RFTN1: variants seen among roughly 807,000 people sequenced by gnomAD.
RFTN1 encodes the protein raftlin, lipid raft linker 1, also known as raftlin.
Under a neutral mutation model 46.5 loss-of-function variants are expected in RFTN1, and 26 were observed. The observed-to-expected ratio is 0.56, with a 90% confidence interval of 0.41 to 0.78. The LOEUF is 0.78. Among genes scored for constraint, RFTN1 ranks in the 30% least tolerant of loss-of-function variants. The pLI is 0.00. For missense variants in RFTN1, 693 were observed against 718.7 expected (o/e 0.96, Z 0.41); for synonymous variants, 261 against 284.2 (o/e 0.92, Z 0.82).
chr3:16,438,693 T>C (rs1037116496), intron 2 of RFTN1, among the ~76,000 whole-genome samples: 3 of 149,624 alleles, frequency 2.0e-5, no homozygotes, highest in South Asian at 2.1e-4. Flanking sequence ...AATTTCTTTG[T>C]ATAAAATGGT....
Position 16,401,000 on chromosome 3 carries a change from T to C in RFTN1, c.441+8375A>G, listed in dbSNP as rs1176608142. 6.6e-6 allele frequency among the ~76,000 whole-genome samples: 1 copy of C among 151,930 alleles called. No homozygotes were observed. The highest frequency in any genetic ancestry group is 1.5e-5 in the Non-Finnish European group (1 of 67,966). Reference sequence around the variant, plus strand: ...TCTTTTATCACCTCTTCTCTCCCAATACCTTTCAGCTGAAAAAAATGTTCA... The same window carrying C: ...TCTTTTATCACCTCTTCTCTCCCAACACCTTTCAGCTGAAAAAAATGTTCA... On this transcript the variant is annotated intron_variant, in intron 4 of 9. Coordinates refer to ENST00000334133, the MANE Select transcript of RFTN1 (RefSeq NM_015150.2). This position sits in a 1 kb window ranked among gnomAD's most constrained non-coding sequence, Gnocchi z 4.5.
rs991678509 is a variant in RFTN1 at position 16,424,341 on chromosome 3, T to C, written c.332+9510A>G. ...ATTTTCCTAGACATAAAATGAGAAG[T>C]GGGGAATGAGGGAAGGTCATGGTAT... On this transcript the variant is annotated intron_variant, in intron 3 of 9. Coordinates refer to ENST00000334133, the MANE Select transcript of RFTN1 (RefSeq NM_015150.2). The surrounding 1 kb of genome is among the most constrained non-coding windows in gnomAD (Gnocchi z 4.7). Among the ~76,000 whole-genome samples, 4 of 152,090 alleles carry C rather than the reference T, an allele frequency of 2.6e-5. No homozygotes were observed.
Position 16,321,428 on chromosome 3 carries a change from C to G in RFTN1, c.1332+1948G>C, listed in dbSNP as rs2069040774. On this transcript the variant is annotated intron_variant, in intron 9 of 9. Coordinates refer to ENST00000334133, the MANE Select transcript of RFTN1 (RefSeq NM_015150.2). This position sits in a 1 kb window ranked among gnomAD's most constrained non-coding sequence, Gnocchi z 4.8. ...CAGGGAGTGGGGGTGGTCCCAACAT[C>G]CGGGCTGCAAGAGCTCAGGCATGAT... 6.6e-6 allele frequency among the ~76,000 whole-genome samples: 1 copy of G among 152,128 alleles called. No individual in the cohort carries two copies. The highest frequency in any genetic ancestry group is 1.5e-5 in the Non-Finnish European group (1 of 68,012).
At chr3:16,453,536 G>A (rs529728139) in intron 2 of RFTN1, among the ~76,000 whole-genome samples, 9 of 152,316 alleles carry the variant, frequency 5.9e-5, no homozygotes, top group African/African-American at 2.2e-4. Flanking sequence ...TCCATCAATA[G>A]TCAGCTTCTT....
chr3:16,366,978 GTCTT>G (rs1212571364), intron 6 of RFTN1, among the ~76,000 whole-genome samples: 2 of 152,246 alleles, frequency 1.3e-5, no homozygotes, highest in African/African-American at 4.8e-5. Context: ...GACTGTACAA[GTCTT>G]TCTATGTCCC....
In RFTN1 at chr3:16,383,628, T is replaced by A. The variant is rs1400071794; in HGVS notation, c.442-5526A>T. On this transcript the variant is annotated intron_variant, in intron 4 of 9. Coordinates refer to ENST00000334133, the MANE Select transcript of RFTN1 (RefSeq NM_015150.2). This position sits in a 1 kb window ranked among gnomAD's most constrained non-coding sequence, Gnocchi z 4.0. ...TCCAAAATGAATACCATGTTGCTAA[T>A]GATAAGTGCGATATATACTCTATGT... Among the ~76,000 whole-genome samples the A allele has an allele frequency of 1.3e-5, 2 of 152,238 alleles. No homozygotes were observed. The highest frequency in any genetic ancestry group is 2.9e-5 in the Non-Finnish European group (2 of 68,044).
chr3:16,409,525 T>C, intron 3 of RFTN1, 42 bp from the exon 4 acceptor site: 1 of 1,368,468 alleles, frequency 7.3e-7, no homozygotes, highest in South Asian at 1.2e-5. Flanking sequence ...GATTAATATC[T>C]TGCATAATTT....
chr3:16,333,028 G>A (rs1236289122), intron 7 of RFTN1, among the ~76,000 whole-genome samples: 3 of 152,218 alleles, frequency 2.0e-5, no homozygotes, highest in Admixed American at 6.5e-5. Context: ...TTAATAGATA[G>A]TGTTGATTCA....
At chr3:16,491,243 C>T (rs2076534292) in intron 2 of RFTN1, among the ~76,000 whole-genome samples, 1 of 152,044 alleles carries the variant, frequency 6.6e-6, no homozygotes, top group African/African-American at 2.4e-5. Flanking sequence ...GGGAGGACTT[C>T]CAGGCAGAGG....
intron 2 of RFTN1, among the ~76,000 whole-genome samples, chr3:16,492,694 A>G (rs1442203413): frequency 6.6e-6 from 1 of 152,220 alleles, no homozygotes; most frequent in South Asian, 2.1e-4. Context: ...AAAGAATAGC[A>G]TGTTCTTCCT....
Position 16,507,947 on chromosome 3 carries a change from G to A in RFTN1, c.-9+5495C>T, listed in dbSNP as rs1239850602. Among the ~76,000 whole-genome samples the A allele has an allele frequency of 2.6e-5, 4 of 152,142 alleles. No homozygotes were observed. The highest frequency in any genetic ancestry group is 6.5e-5 in the Admixed American group (1 of 15,270). ...AGGTCTGCCTATGGAACAACACGAC[G>A]GGACATTTCAGGTGTAAACGCCAGA... is the stretch of plus-strand genomic sequence containing the variant. On this transcript the variant is annotated intron_variant, in intron 1 of 9. Coordinates refer to ENST00000334133, the MANE Select transcript of RFTN1 (RefSeq NM_015150.2). This position sits in a 1 kb window ranked among gnomAD's most constrained non-coding sequence, Gnocchi z 7.1.
chr3:16,510,989 T>C (rs2076891675), intron 1 of RFTN1, among the ~76,000 whole-genome samples: 1 of 152,230 alleles, frequency 6.6e-6, no homozygotes, highest in African/African-American at 2.4e-5. Flanking sequence ...AAATCATGGA[T>C]ACGACATGGA....
At chr3:16,508,742 CAA>C (rs2125015224) in intron 1 of RFTN1, among the ~76,000 whole-genome samples, 1 of 151,928 alleles carries the variant, frequency 6.6e-6, no homozygotes, top group East Asian at 1.9e-4. Flanking sequence ...AAGGTAAACA[CAA>C]AAGCAACATC....
At chr3:16,437,863 T>C (rs1353149957) in intron 2 of RFTN1, among the ~76,000 whole-genome samples, 3 of 130,098 alleles carry the variant, frequency 2.3e-5, no homozygotes, top group Non-Finnish European at 5.1e-5. Context: ...GTCGACCTTA[T>C]GGAAACCAGG....
At chr3:16,463,061 C>T (rs1363273504) in intron 2 of RFTN1, among the ~76,000 whole-genome samples, 1 of 152,218 alleles carries the variant, frequency 6.6e-6, no homozygotes, top group Non-Finnish European at 1.5e-5. Context: ...CCACTAGAGA[C>T]AGAAATCTAC....
rs1304824164 is a variant in RFTN1 at position 16,425,715 on chromosome 3, G to A, written c.332+8136C>T. ...AAGGTGGCTTTACGCTGGCATATGA[G>A]ATTGAAAAGTGCAAACAAATAATTA... On this transcript the variant is annotated intron_variant, in intron 3 of 9. Transcript: ENST00000334133. The surrounding 1 kb of genome is among the most constrained non-coding windows in gnomAD (Gnocchi z 4.3). Among the ~76,000 whole-genome samples the A allele has an allele frequency of 6.6e-6, 1 of 152,122 alleles. No individual in the cohort carries two copies. Among genetic ancestry groups the A allele is most frequent in the Non-Finnish European group, 1.5e-5 (1 of 68,048 alleles).
In RFTN1 at chr3:16,322,754, C is replaced by G. The variant is rs879308561; in HGVS notation, c.1332+622G>C. Among the ~76,000 whole-genome samples the G allele has an allele frequency of 1.3e-5, 2 of 152,172 alleles. No individual in the cohort carries two copies. The highest frequency in any genetic ancestry group is 2.9e-5 in the Non-Finnish European group (2 of 68,034). On this transcript the variant is annotated intron_variant, in intron 9 of 9. Coordinates refer to ENST00000334133, the MANE Select transcript of RFTN1 (RefSeq NM_015150.2). This position sits in a 1 kb window ranked among gnomAD's most constrained non-coding sequence, Gnocchi z 6.2. ...GAAGACTCTCTGAGAAGGCCAGTCTCTGTGCGACTGTTTCTAGGGTAGTTC... is the reference window on the plus strand; with the variant it reads ...GAAGACTCTCTGAGAAGGCCAGTCTGTGTGCGACTGTTTCTAGGGTAGTTC...
rs763292457 is a variant in RFTN1 at position 16,374,024 on chromosome 3, G to T, written c.826+3694C>A. Among the ~76,000 whole-genome samples, 5 of 152,210 alleles carry T rather than the reference G, an allele frequency of 3.3e-5. No individual in the cohort carries two copies. The highest frequency in any genetic ancestry group is 7.4e-5 in the Non-Finnish European group (5 of 68,026). ...AGGGCAGCAGGAAAGGCAAAGTGCA[G>T]GGACCGCTGCTGCGTGCACAACAAT... On this transcript the variant is annotated intron_variant, in intron 5 of 9. Coordinates refer to ENST00000334133, the MANE Select transcript of RFTN1 (RefSeq NM_015150.2). This position sits in a 1 kb window ranked among gnomAD's most constrained non-coding sequence, Gnocchi z 5.4.
chr3:16,333,872 A>G (rs911822174), intron 7 of RFTN1, among the ~76,000 whole-genome samples: 1 of 152,258 alleles, frequency 6.6e-6, no homozygotes. Flanking sequence ...AAAAATGCAA[A>G]TTAAAACTAC....
Sources: gnomAD v4.1 joint callset for allele counts (sites outside exome capture counted in the v4.1 genomes callset) on GRCh38, gnomAD v4.1.1 for gene constraint, Gnocchi (gnomAD v3.1) non-coding constraint, MANE v1.5 for transcripts, NCBI Gene and HGNC (gene_info 2026-07-23, HGNC 2026-07-21) for gene names.